Variants in ASXL2 observed in about 807,000 individuals in gnomAD.
ASXL2 encodes the protein ASXL transcriptional regulator 2.
In ASXL2, 23 loss-of-function variants were observed where a neutral mutation model predicts 122.0. The observed-to-expected ratio is 0.19, with a 90% CI of 0.14 to 0.27. The LOEUF (loss-of-function observed/expected upper bound fraction) is 0.27. Ranked by LOEUF, ASXL2 falls within the 10% of genes least tolerant of loss-of-function variation. ASXL2 has a pLI of 1.00. For missense variants in ASXL2, 1,518 were observed against 1,713.8 expected, an observed-to-expected ratio of 0.89 and a Z score of 2.02; for synonymous variants, 650 against 637.0, an observed-to-expected ratio of 1.02 and a Z score of -0.31.
intron 2 of ASXL2, among the ~76,000 whole-genome samples, chr2:25,844,176 T>C (rs1168312203): frequency 1.3e-5 from 2 of 152,108 alleles, no homozygotes; most frequent in African/African-American, 4.8e-5. Flanking sequence ...ACTGCAAACT[T>C]TTCCTATCTT....
At chr2:25,779,309 G>A (rs2088596547) in intron 5 of ASXL2, among the ~76,000 whole-genome samples, 1 of 151,908 alleles carries the variant, frequency 6.6e-6, no homozygotes, top group Admixed American at 6.6e-5. Context: ...TGTTGGCCAG[G>A]CTGGTCTTGA....
chr2:25,751,082 T>C (rs750652849), intron 11 of ASXL2, among the ~76,000 whole-genome samples: 1 of 152,210 alleles, frequency 6.6e-6, no homozygotes, highest in Non-Finnish European at 1.5e-5. Context: ...CATTGAGATA[T>C]CCATAATGTG....
intron 5 of ASXL2, among the ~76,000 whole-genome samples, chr2:25,779,090 T>TTC (rs989889759): frequency 2.8e-5 from 4 of 141,206 alleles, no homozygotes; most frequent in African/African-American, 1.1e-4. Context: ...TCTGATTTTT[T>TTC]TTTTTTTTTT....
At chr2:25,829,960 T>C (rs2149185997) in intron 3 of ASXL2, among the ~76,000 whole-genome samples, 1 of 152,226 alleles carries the variant, frequency 6.6e-6, no homozygotes, top group South Asian at 2.1e-4. Flanking sequence ...GGCTGAAGAC[T>C]CCCTTTTGTC....
intron 2 of ASXL2, among the ~76,000 whole-genome samples, chr2:25,842,112 CAAAAAAAAAAGAAAAAAA>C (rs972281234): frequency 5.8e-5 from 6 of 102,610 alleles, no homozygotes; most frequent in African/African-American, 1.8e-4. Flanking sequence ...AACTCTGTCT[CAAAAAAAAAAGAAAAAAA>C]AAAAAGAAAA....
At chr2:25,850,249 CCCAAATTTA>C (rs2089699685) in intron 1 of ASXL2, among the ~76,000 whole-genome samples, 1 of 152,040 alleles carries the variant, frequency 6.6e-6, no homozygotes, top group South Asian at 2.1e-4. Flanking sequence ...TAGTCAATGT[CCCAAATTTA>C]CAGGGAAAAA....
chr2:25,829,247 G>C (rs2089419091), intron 3 of ASXL2, among the ~76,000 whole-genome samples: 1 of 151,786 alleles, frequency 6.6e-6, no homozygotes, highest in Admixed American at 6.6e-5. Flanking sequence ...GAGACAAACA[G>C]AGAGACAGAG....
chr2:25,829,778 G>A (rs2089428821), intron 3 of ASXL2, among the ~76,000 whole-genome samples: 1 of 152,138 alleles, frequency 6.6e-6, no homozygotes, highest in Non-Finnish European at 1.5e-5. Flanking sequence ...CTAGACTAGG[G>A]GAGGCCAAAT....
intron 5 of ASXL2, among the ~76,000 whole-genome samples, chr2:25,791,401 A>C (rs2149167225): frequency 6.6e-6 from 1 of 151,666 alleles, no homozygotes; most frequent in East Asian, 2.0e-4. Context: ...GCAGGAGAAT[A>C]GCTTGAACCC....
chr2:25,853,833 C>T (rs1381181767), intron 1 of ASXL2, among the ~76,000 whole-genome samples: 3 of 151,712 alleles, frequency 2.0e-5, no homozygotes, highest in African/African-American at 7.3e-5. Context: ...TTACTAGTGC[C>T]TATTATATGA....
intron 5 of ASXL2, among the ~76,000 whole-genome samples, chr2:25,773,460 T>C (rs1019385422): frequency 2.0e-5 from 3 of 151,780 alleles, no homozygotes; most frequent in African/African-American, 2.4e-5. Context: ...GGTCAGGAGA[T>C]TGAGACCATC....
chr2:25,820,070 C>T (rs573299150), intron 3 of ASXL2, among the ~76,000 whole-genome samples: 1 of 152,098 alleles, frequency 6.6e-6, no homozygotes, highest in Non-Finnish European at 1.5e-5. Context: ...CACCACGATA[C>T]CTGGCTAATT....
At chr2:25,804,662 G>A (rs939295659) in intron 4 of ASXL2, among the ~76,000 whole-genome samples, 9 of 152,132 alleles carry the variant, frequency 5.9e-5, no homozygotes, top group African/African-American at 1.7e-4. Context: ...CTAATAAATT[G>A]TCTTACTCAA....
intron 1 of ASXL2, among the ~76,000 whole-genome samples, chr2:25,857,308 T>C (rs2089792119): frequency 6.6e-6 from 1 of 152,084 alleles, no homozygotes; most frequent in Non-Finnish European, 1.5e-5. Context: ...ACTGCAAAAA[T>C]AGTCACTTGG....
At chr2:25,782,645 C>G (rs142325675) in intron 5 of ASXL2, among the ~76,000 whole-genome samples, 238 of 152,238 alleles carry the variant, frequency 1.6e-3, no homozygotes, top group African/African-American at 5.5e-3. Flanking sequence ...AAAGGATAAG[C>G]CACTAGTGTT....
intron 2 of ASXL2, among the ~76,000 whole-genome samples, chr2:25,840,327 G>C (rs766573487): frequency 9.9e-5 from 15 of 152,272 alleles, no homozygotes; most frequent in Admixed American, 2.0e-4. Context: ...TTCGCAGCTA[G>C]GAGCCAACCA....
chr2:25,779,870 C>CT (rs970818090), intron 5 of ASXL2, among the ~76,000 whole-genome samples: 9 of 151,478 alleles, frequency 5.9e-5, no homozygotes, highest in East Asian at 3.9e-4. Flanking sequence ...TGTTTTAATA[C>CT]TTTTTTTTTC....
intron 5 of ASXL2, among the ~76,000 whole-genome samples, chr2:25,775,343 G>C (rs1022985630): frequency 2.6e-5 from 4 of 152,048 alleles, no homozygotes; most frequent in African/African-American, 9.7e-5. Context: ...GGCCAGGCTG[G>C]TCTCAAACTC....
intron 11 of ASXL2, among the ~76,000 whole-genome samples, chr2:25,752,454 G>A (rs1205296278): frequency 6.6e-6 from 1 of 152,104 alleles, no homozygotes; most frequent in Admixed American, 6.5e-5. Context: ...TTAATTACAG[G>A]TTGGTTCTAA....
Sources: allele counts gnomAD v4.1 joint callset (sites outside exome capture counted in the v4.1 genomes callset), GRCh38; gene constraint gnomAD v4.1.1; transcripts MANE v1.5; gene names NCBI Gene and HGNC (gene_info 2026-07-23, HGNC 2026-07-21).